The following GRXCR1 variants were observed in gnomAD, a reference collection of about 807,000 sequenced individuals.
GRXCR1 encodes the protein glutaredoxin domain-containing cysteine-rich protein 1.
A neutral mutation model predicts 27.3 loss-of-function variants in GRXCR1; 27 were observed. The ratio of observed to expected loss-of-function variants is 0.99; its 90% confidence interval spans 0.73 to 1.37. The LOEUF is 1.37. Among genes scored for constraint, GRXCR1 ranks in the 40% most tolerant of loss-of-function variants. The pLI is 0.00. For synonymous variants in GRXCR1, 122 were observed against 131.1 expected (o/e 0.93, Z 0.47); for missense variants, 379 against 354.4 (o/e 1.07, Z -0.56).
chr4:42,908,137 AG>A (rs1273178968), intron 1 of GRXCR1, among the ~76,000 whole-genome samples: 1 of 152,218 alleles, frequency 6.6e-6, no homozygotes, highest in African/African-American at 2.4e-5. Flanking sequence ...GATGCCTGGC[AG>A]GGCCAGTGTT....
chr4:42,913,012 A>G (rs926808481), intron 1 of GRXCR1, among the ~76,000 whole-genome samples: 2 of 152,124 alleles, frequency 1.3e-5, no homozygotes, highest in Admixed American at 6.6e-5. Context: ...CTGCTGCCCT[A>G]TGAAGAGGTG....
At chr4:42,914,970 G>T (rs1314556780) in intron 1 of GRXCR1, among the ~76,000 whole-genome samples, 1 of 152,082 alleles carries the variant, frequency 6.6e-6, no homozygotes, top group Non-Finnish European at 1.5e-5. Context: ...CACCATGATT[G>T]TAAGTTTCCT....
chr4:42,961,695 T>A (rs187029577), intron 1 of GRXCR1, among the ~76,000 whole-genome samples: 1 of 152,126 alleles, frequency 6.6e-6, no homozygotes, highest in Non-Finnish European at 1.5e-5. Context: ...TTTATTACAT[T>A]TTATCATCAG....
intron 1 of GRXCR1, among the ~76,000 whole-genome samples, chr4:42,943,134 G>A (rs1747661926): frequency 6.6e-6 from 1 of 152,038 alleles, no homozygotes; most frequent in Admixed American, 6.6e-5. Context: ...AGGACAAATT[G>A]TTTTATATCT....
intron 2 of GRXCR1, among the ~76,000 whole-genome samples, chr4:43,008,857 G>C (rs1712647126): frequency 6.6e-6 from 1 of 152,152 alleles, no homozygotes; most frequent in South Asian, 2.1e-4. Flanking sequence ...AATTTTAAAA[G>C]ACAACTTGCA....
chr4:43,018,914 A>G (rs776518364), intron 2 of GRXCR1, among the ~76,000 whole-genome samples: 9 of 152,162 alleles, frequency 5.9e-5, no homozygotes, highest in Non-Finnish European at 1.3e-4. Context: ...ATAAATGAAG[A>G]GATATAACTT....
chr4:43,001,206 A>G (rs551314352), intron 2 of GRXCR1, among the ~76,000 whole-genome samples: 1 of 152,160 alleles, frequency 6.6e-6, no homozygotes, highest in African/African-American at 2.4e-5. Context: ...CCGGTGTACA[A>G]TTAGCTGTGT....
At position 42,926,494 on chromosome 4, in the gene GRXCR1, G is replaced by GTTT. The variant is rs201952988; in HGVS notation, c.384+32852_384+32854dup. Reference sequence around the variant, plus strand: ...CACCATTCACAGATTTGGGAATACTGTTTTTTTTTTCCAACTTTTGGAAAG... The same window carrying GTTT: ...CACCATTCACAGATTTGGGAATACTGTTTTTTTTTTTTTCCAACTTTTGGAAAG... On this transcript the variant is annotated intron_variant, in intron 1 of 3. Transcript: ENST00000399770. Among the ~76,000 whole-genome samples the GTTT allele has an allele frequency of 2.8e-3, 420 of 150,534 alleles. 2 individuals are homozygous for GTTT. Among genetic ancestry groups the GTTT allele is most frequent in the Non-Finnish European group, 3.8e-3 (257 of 67,452 alleles).
chr4:42,948,060 T>G (rs1184918627), intron 1 of GRXCR1, among the ~76,000 whole-genome samples: 1 of 152,186 alleles, frequency 6.6e-6, no homozygotes, highest in African/African-American at 2.4e-5. Flanking sequence ...ATTTGTTTTC[T>G]TTGAAGCTGA....
chr4:42,901,005 A>C (rs886997793), intron 1 of GRXCR1, among the ~76,000 whole-genome samples: 1 of 152,146 alleles, frequency 6.6e-6, no homozygotes, highest in Non-Finnish European at 1.5e-5. Context: ...CTTGTGGCGC[A>C]TCTAGCAGAA....
chr4:43,014,685 A>G (rs551879943), intron 2 of GRXCR1, among the ~76,000 whole-genome samples: 179 of 152,294 alleles, frequency 1.2e-3, no homozygotes, highest in African/African-American at 4.2e-3. Flanking sequence ...ACATCACATC[A>G]GCTTGGTCCC....
chr4:42,895,675 C>G (rs1265092245), intron 1 of GRXCR1, among the ~76,000 whole-genome samples: 1 of 152,058 alleles, frequency 6.6e-6, no homozygotes, highest in Non-Finnish European at 1.5e-5. Context: ...ACACCCTACT[C>G]AACATTATGT....
chr4:42,931,423 C>T (rs1454506970), intron 1 of GRXCR1, among the ~76,000 whole-genome samples: 2 of 151,788 alleles, frequency 1.3e-5, no homozygotes, highest in African/African-American at 4.8e-5. Flanking sequence ...TCTCTGATTT[C>T]TTTAAGTTTT....
At chr4:42,915,070 A>G (rs917370938) in intron 1 of GRXCR1, among the ~76,000 whole-genome samples, 2 of 152,172 alleles carry the variant, frequency 1.3e-5, no homozygotes, top group South Asian at 4.1e-4. Flanking sequence ...ATTTCTTCAT[A>G]GCAGCATGAG....
At chr4:42,937,649 TC>T (rs1365769657) in intron 1 of GRXCR1, among the ~76,000 whole-genome samples, 2 of 151,980 alleles carry the variant, frequency 1.3e-5, no homozygotes, top group Non-Finnish European at 2.9e-5. Context: ...GATTCTAGTC[TC>T]CTTCCCTTGC....
At chr4:43,020,914 C>A (rs1453054976) in intron 3 of GRXCR1, among the ~76,000 whole-genome samples, 6 of 152,158 alleles carry the variant, frequency 3.9e-5, no homozygotes, top group Non-Finnish European at 8.8e-5. Flanking sequence ...AATTAACATG[C>A]AACCGGAAAG....
intron 2 of GRXCR1, among the ~76,000 whole-genome samples, chr4:42,977,757 TC>T (rs1459314592): frequency 1.3e-5 from 2 of 152,040 alleles, no homozygotes; most frequent in Non-Finnish European, 1.5e-5. Flanking sequence ...CAACAGGTTG[TC>T]CCCTCACTCT....
In GRXCR1 at chr4:42,931,527, C is replaced by T. The variant is rs1309640591; in HGVS notation, c.385-31365C>T. On this transcript the variant is annotated intron_variant, in intron 1 of 3. Transcript: ENST00000399770. ...TTTGCCTTTCCAAGCCAGATTCTTC[C>T]TCTCATTAGATACTTTTGTGTCTGT... 3.3e-5 allele frequency among the ~76,000 whole-genome samples: 5 copies of T among 151,972 alleles called. No individual in the cohort carries two copies. In the East Asian group the frequency reaches 9.8e-4, roughly 30 times the overall value.
At chr4:42,957,791 C>G (rs1367552693) in intron 1 of GRXCR1, among the ~76,000 whole-genome samples, 2 of 151,720 alleles carry the variant, frequency 1.3e-5, no homozygotes, top group Non-Finnish European at 2.9e-5. Context: ...TAAATTATTT[C>G]AAGCTCTTGG....
Sources: gnomAD v4.1 joint callset for allele counts (sites outside exome capture counted in the v4.1 genomes callset) on GRCh38, gnomAD v4.1.1 for gene constraint, MANE v1.5 for transcripts, NCBI Gene and HGNC (gene_info 2026-07-23, HGNC 2026-07-21) for gene names.